Variants in FHIT observed in about 807,000 individuals in gnomAD.
The protein encoded by FHIT is bis(5'-adenosyl)-triphosphatase.
In FHIT, 19 loss-of-function variants were observed where a neutral mutation model predicts 17.9. The ratio of observed to expected loss-of-function variants is 1.06; its 90% CI spans 0.74 to 1.56. The LOEUF (loss-of-function observed/expected upper bound fraction) is 1.56. Among genes scored for constraint, FHIT ranks in the 40% most tolerant of loss-of-function variants. The pLI is 0.00. For synonymous variants in FHIT, 81 were observed against 69.7 expected (o/e 1.16, Z -0.81); for missense variants, 248 against 189.2 (o/e 1.31, Z -1.82).
chr3:60,161,667 G>C (rs1168564972), intron 5 of FHIT, among the ~76,000 whole-genome samples: 1 of 152,016 alleles, frequency 6.6e-6, no homozygotes, highest in African/African-American at 2.4e-5. Flanking sequence ...TAACTCAGGA[G>C]GGACCTGCAT....
At chr3:60,372,696 AG>A (rs1163568204) in intron 5 of FHIT, among the ~76,000 whole-genome samples, 1 of 152,226 alleles carries the variant, frequency 6.6e-6, no homozygotes, top group Non-Finnish European at 1.5e-5. Context: ...CTTTTTAAAA[AG>A]CTGCCTCCTT....
At chr3:60,518,804 T>G (rs547666664) in intron 5 of FHIT, among the ~76,000 whole-genome samples, 2 of 151,908 alleles carry the variant, frequency 1.3e-5, no homozygotes, top group Non-Finnish European at 2.9e-5. Context: ...AGGCCAGGAG[T>G]TTGAGACCAG....
At chr3:59,803,921 A>G (rs146170535) in intron 8 of FHIT, among the ~76,000 whole-genome samples, 17 of 152,340 alleles carry the variant, frequency 1.1e-4, no homozygotes, top group Non-Finnish European at 1.8e-4. Context: ...GGTTGGTGCA[A>G]AAGTAATAGC....
chr3:59,813,862 G>C (rs554288992), intron 8 of FHIT, among the ~76,000 whole-genome samples: 7 of 152,188 alleles, frequency 4.6e-5, no homozygotes, highest in East Asian at 1.9e-4. Context: ...GGCTATGAAG[G>C]GGGTAACTGA....
At chr3:60,888,886 A>G (rs1173367317) in intron 3 of FHIT, among the ~76,000 whole-genome samples, 1 of 152,248 alleles carries the variant, frequency 6.6e-6, no homozygotes, top group East Asian at 1.9e-4. Context: ...GTAAATCAAG[A>G]TATTGACATT....
intron 5 of FHIT, among the ~76,000 whole-genome samples, chr3:60,064,037 A>G (rs1475648739): frequency 6.6e-6 from 1 of 152,186 alleles, no homozygotes; most frequent in Non-Finnish European, 1.5e-5. Flanking sequence ...CAACATGTGC[A>G]TAATTTCTTT....
At chr3:60,922,160 T>C (rs1553768568) in intron 3 of FHIT, among the ~76,000 whole-genome samples, 1 of 152,210 alleles carries the variant, frequency 6.6e-6, no homozygotes, top group African/African-American at 2.4e-5. Flanking sequence ...TGAAAATGAC[T>C]TGGAAGGACT....
At chr3:60,807,839 TA>T (rs34126858) in intron 4 of FHIT, among the ~76,000 whole-genome samples, 28 of 146,752 alleles carry the variant, frequency 1.9e-4, no homozygotes, top group South Asian at 4.3e-4. Flanking sequence ...CAAATTTTAC[TA>T]AAAAAAAAAT....
intron 4 of FHIT, among the ~76,000 whole-genome samples, chr3:60,643,199 G>A (rs74397985): frequency 0.021 from 3,217 of 151,986 alleles, 121 homozygotes; most frequent in African/African-American, 0.072. Context: ...GACCATCTAC[G>A]TTTTTCCCTT....
At chr3:60,044,359 A>G (rs536056079) in intron 5 of FHIT, among the ~76,000 whole-genome samples, 1 of 152,326 alleles carries the variant, frequency 6.6e-6, no homozygotes, top group East Asian at 1.9e-4. Context: ...TCAAACTTCT[A>G]AGTAGAACAG....
At chr3:60,094,705 C>G (rs568729193) in intron 5 of FHIT, among the ~76,000 whole-genome samples, 32 of 152,064 alleles carry the variant, frequency 2.1e-4, no homozygotes, top group Non-Finnish European at 3.5e-4. Context: ...TTGCAGGATT[C>G]ATGTCACCCA....
intron 8 of FHIT, among the ~76,000 whole-genome samples, chr3:59,832,495 A>G (rs1701199413): frequency 6.6e-6 from 1 of 152,184 alleles, no homozygotes; most frequent in Non-Finnish European, 1.5e-5. Context: ...AGCAGATAAG[A>G]AATATCCATG....
At chr3:60,384,085 T>G (rs1221670807) in intron 5 of FHIT, among the ~76,000 whole-genome samples, 1 of 152,008 alleles carries the variant, frequency 6.6e-6, no homozygotes, top group African/African-American at 2.4e-5. Flanking sequence ...TTGGCCATCA[T>G]GGTGAAACCC....
At chr3:60,034,015 GATAACA>G (rs1701109208) in intron 5 of FHIT, among the ~76,000 whole-genome samples, 1 of 152,200 alleles carries the variant, frequency 6.6e-6, no homozygotes, top group African/African-American at 2.4e-5. Flanking sequence ...GCATATTCAA[GATAACA>G]ATAACAGCAG....
At chr3:59,750,881 A>AT (rs1700859295) in intron 9 of FHIT, 1 of 200,700 alleles carries the variant, frequency 5.0e-6, no homozygotes, top group East Asian at 7.8e-5. Context: ...GGTTGATACA[A>AT]TTTTTTCCAA....
intron 5 of FHIT, among the ~76,000 whole-genome samples, chr3:60,399,601 T>G (rs1701583785): frequency 6.6e-6 from 1 of 152,100 alleles, no homozygotes; most frequent in Non-Finnish European, 1.5e-5. Flanking sequence ...ATCAGAAAGG[T>G]GAGCAGGTGA....
intron 5 of FHIT, among the ~76,000 whole-genome samples, chr3:60,281,630 A>G (rs1274499161): frequency 7.3e-6 from 1 of 137,088 alleles, no homozygotes; most frequent in Non-Finnish European, 1.6e-5. Flanking sequence ...AAAAAAAAAA[A>G]AGGGGGGATC....
intron 5 of FHIT, among the ~76,000 whole-genome samples, chr3:60,361,701 G>C (rs1418340239): frequency 6.6e-6 from 1 of 152,184 alleles, no homozygotes; most frequent in Non-Finnish European, 1.5e-5. Context: ...ACTGGCCAGA[G>C]AGAGAGACAG....
Position 60,938,810 on chromosome 3 carries a change from G to A in FHIT, c.-111+103237C>T, listed in dbSNP as rs544448802. On this transcript the variant is annotated intron_variant, in intron 3 of 9. Transcript: ENST00000492590. ...GTCCCCTCCAAAGAGAGCTACATGT[G>A]TATTCTTTGTGTATTTTTATCATTG... Among the ~76,000 whole-genome samples, 5 of 152,216 alleles carry A rather than the reference G, an allele frequency of 3.3e-5. No individual in the cohort carries two copies. In the South Asian group the frequency reaches 1.0e-3, roughly 32 times the overall value.
Sources: gnomAD v4.1 joint callset for allele counts (sites outside exome capture counted in the v4.1 genomes callset) on GRCh38, gnomAD v4.1.1 for gene constraint, MANE v1.5 for transcripts, NCBI Gene and HGNC (gene_info 2026-07-23, HGNC 2026-07-21) for gene names.